WDFY2: variants seen among roughly 807,000 people sequenced by gnomAD.
The protein encoded by WDFY2 is WD repeat and FYVE domain containing 2.
WDFY2 carries 36 observed loss-of-function variants against 56.4 expected under a neutral mutation model. The observed-to-expected ratio is 0.64, with a 90% confidence interval of 0.49 to 0.84. The LOEUF (loss-of-function observed/expected upper bound fraction) is 0.84, where lower values mean the gene tolerates loss of function less well. WDFY2 is among the 40% of genes least tolerant of loss of function. WDFY2 has a pLI of 0.00. For missense variants in WDFY2, 444 were observed against 512.2 expected (o/e 0.87, Z 1.29); for synonymous variants, 176 against 183.7 (o/e 0.96, Z 0.34).
chr13:51,707,490 C>T (rs1314557186), intron 4 of WDFY2, among the ~76,000 whole-genome samples: 1 of 152,142 alleles, frequency 6.6e-6, no homozygotes, highest in Non-Finnish European at 1.5e-5. Context: ...GAAAAAACTT[C>T]CAACATAGAA....
intron 4 of WDFY2, among the ~76,000 whole-genome samples, chr13:51,716,692 C>CAAAAA (rs34618973): frequency 1.8e-5 from 1 of 55,130 alleles, no homozygotes; most frequent in Non-Finnish European, 3.5e-5. Context: ...GACTCCGTCT[C>CAAAAA]AAAAAAAAAA....
chr13:51,760,104 T>C lies in WDFY2; in HGVS notation c.*335T>C. 4.4e-6 allele frequency: 1 copy of C among 225,680 alleles called. No homozygotes were observed. The allele number at this position is 225,680 out of a possible 1,614,324, so 14.0% of individuals were successfully genotyped here. ...TCAACACCCCATTTTACTTGTTGCT[T>C]TGTCAGAGAAATAAGGGAGGTATCT... On this transcript the variant is annotated 3_prime_UTR_variant, in exon 12 of 12. Transcript: ENST00000298125.
chr13:51,679,562 CTG>C (rs1162456638), intron 3 of WDFY2, among the ~76,000 whole-genome samples: 3 of 152,036 alleles, frequency 2.0e-5, no homozygotes, highest in African/African-American at 7.2e-5. Context: ...CTGACATTGA[CTG>C]TGTATGGATT....
At position 51,747,577 on chromosome 13, in the gene WDFY2, G is replaced by A. The variant is rs149677811; in HGVS notation, c.726-3733G>A. Among the ~76,000 whole-genome samples the A allele has an allele frequency of 9.2e-3, 1,396 of 152,276 alleles. 18 individuals carry two copies. The highest frequency in any genetic ancestry group is 0.032 in the African/African-American group (1,320 of 41,546). On this transcript the variant is annotated intron_variant, in intron 7 of 11. Transcript: ENST00000298125. Reference sequence around the variant, plus strand: ...GACAAGGTCTTGCTCTGTCACCCAGGCTAGAGTGCAGTGGTATGATCACAG... The same window carrying A: ...GACAAGGTCTTGCTCTGTCACCCAGACTAGAGTGCAGTGGTATGATCACAG...
intron 9 of WDFY2, 57 bp from the exon 10 acceptor site, chr13:51,756,275 G>T: frequency 6.4e-7 from 1 of 1,563,624 alleles, no homozygotes; most frequent in Admixed American, 1.8e-5. Context: ...GTGAGATGCG[G>T]GGGCCTCAGG....
rs142157326 is a variant in WDFY2, at chr13:51,701,487, C to T, written c.280-2109C>T. On this transcript the variant is annotated intron_variant, in intron 3 of 11. Transcript: ENST00000298125. ...AGTGAGCCAAGATCACGCCACTGCA[C>T]TCCAGCCTGGGTGACAGAGCAAGAT... is the stretch of plus-strand genomic sequence containing the variant. 2.0e-5 allele frequency among the ~76,000 whole-genome samples: 3 copies of T among 147,204 alleles called. 1 individual carries two copies. The highest frequency in any genetic ancestry group is 7.6e-5 in the African/African-American group (3 of 39,676).
intron 1 of WDFY2, among the ~76,000 whole-genome samples, chr13:51,600,895 C>T (rs1434238046): frequency 3.9e-5 from 6 of 152,102 alleles, no homozygotes; most frequent in East Asian, 3.8e-4. Flanking sequence ...TGCTATTTTC[C>T]GTGAAGTCTG....
At chr13:51,672,842 C>T (rs1192677663) in intron 2 of WDFY2, among the ~76,000 whole-genome samples, 1 of 152,162 alleles carries the variant, frequency 6.6e-6, no homozygotes, top group Non-Finnish European at 1.5e-5. Context: ...ATTTGATTCT[C>T]AGCTTGGTCA....
At chr13:51,625,566 A>G (rs1447309894) in intron 1 of WDFY2, among the ~76,000 whole-genome samples, 2 of 152,248 alleles carry the variant, frequency 1.3e-5, no homozygotes, top group African/African-American at 2.4e-5. Flanking sequence ...AACCATCACT[A>G]AAATTCGGTA....
chr13:51,663,262 A>G (rs1399433729), intron 2 of WDFY2, among the ~76,000 whole-genome samples: 1 of 152,268 alleles, frequency 6.6e-6, no homozygotes, highest in Non-Finnish European at 1.5e-5. Flanking sequence ...ACATGTTTAT[A>G]TGAACACATG....
rs182978293 is a variant in WDFY2 at position 51,654,055 on chromosome 13, G to C, written c.138-6541G>C. On this transcript the variant is annotated intron_variant, in intron 1 of 11. Coordinates refer to ENST00000298125, the MANE Select transcript of WDFY2 (RefSeq NM_052950.4). Reference sequence around the variant, plus strand: ...CTTGAGCTGTGGTGGGCTTCACCCAGTTTGAGCTTCCTGGCCACTTTGTTT... The same window carrying C: ...CTTGAGCTGTGGTGGGCTTCACCCACTTTGAGCTTCCTGGCCACTTTGTTT... Among the ~76,000 whole-genome samples, 1,216 of 152,338 alleles carry C rather than the reference G, an allele frequency of 8.0e-3. 6 individuals are homozygous for C. The highest frequency in any genetic ancestry group is 0.016 in the Admixed American group (251 of 15,308).
rs1953383088 is a variant in WDFY2 at position 51,756,393 on chromosome 13, T to C, written c.995T>C (p.Ile332Thr). The C allele has an allele frequency of 6.2e-7, 1 of 1,613,874 alleles. No individual in the cohort carries two copies. The highest frequency in any genetic ancestry group is 1.3e-5 in the African/African-American group (1 of 74,996). Residue 332 changes from isoleucine (I) to threonine (T), a missense_variant, in exon 10 of 12, where the codon ATC becomes ACC. Physicochemically the swap from Ile to Thr is moderately conservative, Grantham distance 89. Coordinates refer to ENST00000298125, the MANE Select transcript of WDFY2 (RefSeq NM_052950.4). ...CGKCSSKRSS[I>T]PLMGFEFEVR... ...AAGTGCAGCTCCAAGCGCTCCTCCA[T>C]CCCCCTGATGGGCTTCGAGTTTGAA...
chr13:51,658,892 C>A lies in WDFY2; in HGVS notation c.138-1704C>A, dbSNP rs150541216. Among the ~76,000 whole-genome samples the A allele has an allele frequency of 1.3e-3, 198 of 152,066 alleles. 1 individual carries two copies. Among genetic ancestry groups the A allele is most frequent in the African/African-American group, 4.7e-3 (194 of 41,486 alleles). Reference sequence around the variant, plus strand: ...TTATTATATCTGTAGTTGGTCTAGTCTTTTTCCTACTAATTATTTATTTAT... The same window carrying A: ...TTATTATATCTGTAGTTGGTCTAGTATTTTTCCTACTAATTATTTATTTAT... On this transcript the variant is annotated intron_variant, in intron 1 of 11. Coordinates refer to ENST00000298125, the MANE Select transcript of WDFY2 (RefSeq NM_052950.4).
chr13:51,752,328 G>T (rs1593478514), intron 8 of WDFY2, among the ~76,000 whole-genome samples: 1 of 152,234 alleles, frequency 6.6e-6, no homozygotes, highest in Non-Finnish European at 1.5e-5. Flanking sequence ...GATCATTACT[G>T]TTAGAAGGTG....
At chr13:51,723,510 T>C (rs1044511901) in intron 5 of WDFY2, among the ~76,000 whole-genome samples, 1 of 152,210 alleles carries the variant, frequency 6.6e-6, no homozygotes, top group Admixed American at 6.5e-5. Flanking sequence ...GAATCAGTTC[T>C]CCTGCACACA....
intron 2 of WDFY2, among the ~76,000 whole-genome samples, chr13:51,664,880 G>A (rs1955673830): frequency 6.6e-6 from 1 of 152,210 alleles, no homozygotes. Context: ...ATTTGATCTT[G>A]TTTAATTTCT....
chr13:51,733,280 G>A (rs1305250016), intron 6 of WDFY2, among the ~76,000 whole-genome samples: 2 of 152,242 alleles, frequency 1.3e-5, no homozygotes, highest in African/African-American at 2.4e-5. Flanking sequence ...CAGGTGATCC[G>A]CCCACTTCAG....
chr13:51,751,264 GC>G (rs780357925), intron 7 of WDFY2, 45 bp from the exon 8 acceptor site: 14 of 1,588,390 alleles, frequency 8.8e-6, no homozygotes, highest in South Asian at 4.5e-5. Context: ...GCGAGGCCTT[GC>G]ATTTGTTCTC....
At chr13:51,609,506 T>C (rs1954448882) in intron 1 of WDFY2, among the ~76,000 whole-genome samples, 1 of 151,802 alleles carries the variant, frequency 6.6e-6, no homozygotes, top group African/African-American at 2.4e-5. Flanking sequence ...TAAGCAACCC[T>C]CTCTGCAAGA....
Sources: allele counts gnomAD v4.1 joint callset (sites outside exome capture counted in the v4.1 genomes callset), GRCh38; gene constraint gnomAD v4.1.1; transcripts MANE v1.5; gene names NCBI Gene and HGNC (gene_info 2026-07-23, HGNC 2026-07-21).